Variants in ITSN2 observed in about 807,000 individuals in gnomAD.
ITSN2 encodes intersectin-2.
ITSN2 carries 156 observed loss-of-function variants against 243.7 expected under a neutral mutation model. The observed-to-expected ratio is 0.64, with a 90% CI of 0.56 to 0.73. The LOEUF (loss-of-function observed/expected upper bound fraction) is 0.73, where lower values mean the gene tolerates loss of function less well. ITSN2 is among the 30% of genes least tolerant of loss of function. ITSN2 has a pLI of 0.00. For missense variants in ITSN2, 1,801 were observed against 1,996.1 expected, an observed-to-expected ratio of 0.90 and a Z score of 1.86; for synonymous variants, 703 against 699.9, an observed-to-expected ratio of 1.00 and a Z score of -0.07.
intron 4 of ITSN2, among the ~76,000 whole-genome samples, chr2:24,312,944 A>T (rs964335177): frequency 1.3e-5 from 2 of 152,112 alleles, no homozygotes; most frequent in Non-Finnish European, 2.9e-5. Flanking sequence ...TTATAAGGAA[A>T]TTTTTCTCAA....
intron 1 of ITSN2, among the ~76,000 whole-genome samples, chr2:24,357,909 A>C (rs746014396): frequency 3.9e-5 from 6 of 152,010 alleles, no homozygotes; most frequent in Non-Finnish European, 7.4e-5. Context: ...TGCCCATATA[A>C]CTTTTTTTTT....
chr2:24,220,951 G>A lies in ITSN2; in HGVS notation c.3693C>T (p.Val1231=), dbSNP rs1346974801. Residue 1231 remains valine, a synonymous_variant, in exon 30 of 40, where the codon GTC becomes GTT. Coordinates refer to ENST00000355123, the MANE Select transcript of ITSN2 (RefSeq NM_006277.3). ...CCAGCAGCAGCCTCCTCACCTCGAC[G>A]ACGAGCTGAAGGTCAGCCATGTACC... ...EERYMADLQL[V]VEVFQKRMAE... 9 of 1,596,404 alleles carry A rather than the reference G, an allele frequency of 5.6e-6. No individual in the cohort carries two copies. Among genetic ancestry groups the A allele is most frequent in the East Asian group, 2.3e-5 (1 of 43,344 alleles).
Position 24,301,311 on chromosome 2 carries a change from A to G in ITSN2, c.996-72T>C, listed in dbSNP as rs574180355. 88 of 817,672 alleles carry G rather than the reference A, an allele frequency of 1.1e-4. No individual in the cohort carries two copies. In the East Asian group the frequency reaches 2.2e-3, roughly 20 times the overall value. The allele number at this position is 817,672 out of a possible 1,614,324, so 50.7% of individuals were successfully genotyped here. A position where few individuals can be genotyped will look rare whatever the true frequency, so the allele number is the denominator to read the frequency against. On this transcript the variant is annotated intron_variant, in intron 10 of 39. Transcript: ENST00000355123. The stretch of plus-strand genomic sequence containing the variant: ...TTCAGACTAGATTACACAGACTACC[A>G]GTGATTATGGCAATTTGATATTGGG...
chr2:24,330,771 CTTTT>C (rs903037107), intron 1 of ITSN2: 1 of 395,200 alleles, frequency 2.5e-6, no homozygotes, highest in Non-Finnish European at 4.7e-6. Context: ...TTTCATTTTA[CTTTT>C]TTTTTTTTTT....
intron 29 of ITSN2, among the ~76,000 whole-genome samples, chr2:24,229,718 T>C (rs1573933951): frequency 6.6e-6 from 1 of 152,216 alleles, no homozygotes; most frequent in Non-Finnish European, 1.5e-5. Flanking sequence ...TATTTCACTT[T>C]AAAGAAAAAG....
At chr2:24,278,745 G>A (rs903558904) in intron 17 of ITSN2, among the ~76,000 whole-genome samples, 1 of 146,924 alleles carries the variant, frequency 6.8e-6, no homozygotes, top group Non-Finnish European at 1.5e-5. Flanking sequence ...TCCGCCTCCC[G>A]GGTTCAAGCA....
chr2:24,334,432 G>C (rs191090321), intron 1 of ITSN2: 203 of 503,890 alleles, frequency 4.0e-4, no homozygotes, highest in Non-Finnish European at 6.4e-4. Context: ...CCCAGCCAAG[G>C]TTAAAGTTTT....
chr2:24,281,572 C>T (rs1678783002), intron 17 of ITSN2, among the ~76,000 whole-genome samples: 1 of 152,230 alleles, frequency 6.6e-6, no homozygotes, highest in Non-Finnish European at 1.5e-5. Flanking sequence ...TGTGCTTATA[C>T]CTAAACAGCT....
chr2:24,341,426 G>A (rs1290614485), intron 1 of ITSN2, among the ~76,000 whole-genome samples: 3 of 152,290 alleles, frequency 2.0e-5, no homozygotes, highest in Middle Eastern at 6.8e-3. Context: ...AGAAACACGA[G>A]AAATCGGGAT....
intron 13 of ITSN2, among the ~76,000 whole-genome samples, chr2:24,297,194 A>T (rs1681080873): frequency 6.6e-6 from 1 of 152,230 alleles, no homozygotes; most frequent in South Asian, 2.1e-4. Flanking sequence ...GATTAAAAAA[A>T]TAATTTTTAA....
intron 29 of ITSN2, among the ~76,000 whole-genome samples, chr2:24,243,955 T>A (rs1673041697): frequency 6.6e-6 from 1 of 152,234 alleles, no homozygotes; most frequent in Admixed American, 6.5e-5. Flanking sequence ...AGAGTGGAGA[T>A]ATAGACTGTT....
intron 1 of ITSN2, among the ~76,000 whole-genome samples, chr2:24,349,410 A>G (rs1687838167): frequency 3.9e-5 from 6 of 152,180 alleles, no homozygotes; most frequent in Admixed American, 2.0e-4. Context: ...TTTTATTTTA[A>G]TCTGATAAAA....
At chr2:24,332,203 T>C (rs768873813) in intron 1 of ITSN2, among the ~76,000 whole-genome samples, 2 of 152,086 alleles carry the variant, frequency 1.3e-5, no homozygotes, top group African/African-American at 2.4e-5. Flanking sequence ...GATCAGGCCA[T>C]TGCACTCCAG....
intron 1 of ITSN2, among the ~76,000 whole-genome samples, chr2:24,358,316 T>C (rs1349151824): frequency 6.6e-6 from 1 of 152,262 alleles, no homozygotes; most frequent in East Asian, 1.9e-4. Context: ...TTGTACTTAC[T>C]AGCTCAGAGA....
Position 24,248,767 on chromosome 2 carries a change from G to A in ITSN2, c.3167-17C>T, listed in dbSNP as rs1673730402. On this transcript the variant is annotated splice_polypyrimidine_tract_variant and intron_variant, in intron 26 of 39. Transcript: ENST00000355123. ...GAGCAATCTCTGAAAAGACAAAGAA[G>A]AAACTATGAATTCAAGATTGCGACA... is the stretch of plus-strand genomic sequence containing the variant. 1.2e-6 allele frequency: 2 copies of A among 1,612,768 alleles called. No homozygotes were observed. Among genetic ancestry groups the A allele is most frequent in the African/African-American group, 1.3e-5 (1 of 74,770 alleles).
chr2:24,316,226 C>A (rs545195544), intron 2 of ITSN2, among the ~76,000 whole-genome samples: 2 of 152,138 alleles, frequency 1.3e-5, no homozygotes, highest in Non-Finnish European at 2.9e-5. Flanking sequence ...AAGAGCCTGA[C>A]CCCATACCCT....
At chr2:24,257,750 G>A in intron 23 of ITSN2, 138 bp downstream of exon 23, 1 of 714,606 alleles carries the variant, frequency 1.4e-6, no homozygotes, top group Non-Finnish European at 2.3e-6. Context: ...AGCCACCACG[G>A]CCGGCCAGAA....
At chr2:24,226,557 G>A (rs551032106) in intron 29 of ITSN2, among the ~76,000 whole-genome samples, 17 of 152,312 alleles carry the variant, frequency 1.1e-4, no homozygotes, top group Non-Finnish European at 2.2e-4. Context: ...TTGGGAGGCC[G>A]AGGTGGGCAG....
At chr2:24,280,560 G>A (rs1312948821) in intron 17 of ITSN2, among the ~76,000 whole-genome samples, 1 of 152,046 alleles carries the variant, frequency 6.6e-6, no homozygotes, top group Non-Finnish European at 1.5e-5. Context: ...GATCCCTCCG[G>A]ATACTACTTT....
Sources: gnomAD v4.1 joint callset for allele counts (sites outside exome capture counted in the v4.1 genomes callset) on GRCh38, gnomAD v4.1.1 for gene constraint, MANE v1.5 for transcripts, NCBI Gene and HGNC (gene_info 2026-07-23, HGNC 2026-07-21) for gene names.